Variants in CAMKMT observed in about 807,000 individuals in gnomAD.
CAMKMT encodes CaM KMT.
CAMKMT carries 53 observed loss-of-function variants against 48.0 expected under a neutral mutation model. The ratio of observed to expected loss-of-function variants is 1.10; its 90% CI spans 0.89 to 1.39. The LOEUF is 1.39. Among genes scored for constraint, CAMKMT ranks in the 40% most tolerant of loss-of-function variants. The pLI is 0.00. For synonymous variants in CAMKMT, 165 were observed against 152.3 expected (o/e 1.08, Z -0.61); for missense variants, 428 against 402.7 (o/e 1.06, Z -0.54).
intron 3 of CAMKMT, chr2:44,631,418 TA>T (rs1014383503): frequency 9.3e-6 from 5 of 540,210 alleles, no homozygotes; most frequent in Admixed American, 3.4e-5. Context: ...GTAATAATAA[TA>T]AAAAAGAAAG....
At chr2:44,746,618 A>C (rs1385496887) in intron 8 of CAMKMT, among the ~76,000 whole-genome samples, 1 of 152,238 alleles carries the variant, frequency 6.6e-6, no homozygotes, top group Non-Finnish European at 1.5e-5. Flanking sequence ...AATAACTTGT[A>C]AAATGTCAAC....
chr2:44,532,267 G>A (rs1666528885), intron 3 of CAMKMT, among the ~76,000 whole-genome samples: 1 of 152,150 alleles, frequency 6.6e-6, no homozygotes, highest in Non-Finnish European at 1.5e-5. Context: ...ATGTCTAGGA[G>A]ATCACAATCA....
rs974172494 is a variant in CAMKMT at position 44,618,225 on chromosome 2, T to C, written c.377-86058T>C. On this transcript the variant is annotated intron_variant, in intron 3 of 10. Coordinates refer to ENST00000378494, the MANE Select transcript of CAMKMT (RefSeq NM_024766.5). The surrounding 1 kb of genome is among the most constrained non-coding windows in gnomAD (Gnocchi z 4.0). The stretch of plus-strand genomic sequence containing the variant: ...TTTTGTTGGGTAGCTCTCAGATTAT[T>C]GAGTGACAAACTTTATTGAATTTGA... Among the ~76,000 whole-genome samples, 2 of 152,200 alleles carry C rather than the reference T, an allele frequency of 1.3e-5. No homozygotes were observed. Among genetic ancestry groups the C allele is most frequent in the Non-Finnish European group, 2.9e-5 (2 of 68,034 alleles).
At chr2:44,543,339 G>A (rs1456203095) in intron 3 of CAMKMT, among the ~76,000 whole-genome samples, 1 of 152,276 alleles carries the variant, frequency 6.6e-6, no homozygotes, top group East Asian at 1.9e-4. Flanking sequence ...TGAAAAGGAT[G>A]CAAAGACATT....
intron 6 of CAMKMT, among the ~76,000 whole-genome samples, chr2:44,709,313 T>C (rs141495863): frequency 3.5e-4 from 54 of 152,286 alleles, no homozygotes; most frequent in African/African-American, 1.3e-3. Flanking sequence ...GGAAGAACTT[T>C]ACAAAGTAGA....
At chr2:44,504,555 C>T (rs1558662057) in intron 3 of CAMKMT, among the ~76,000 whole-genome samples, 1 of 152,086 alleles carries the variant, frequency 6.6e-6, no homozygotes, top group Non-Finnish European at 1.5e-5. Flanking sequence ...GGGGTTTGTT[C>T]AATTTCCTAT....
chr2:44,455,747 G>T (rs750845612), intron 3 of CAMKMT, among the ~76,000 whole-genome samples: 5 of 151,940 alleles, frequency 3.3e-5, no homozygotes, highest in African/African-American at 9.7e-5. Flanking sequence ...GATCACATGG[G>T]TTAAACATTT....
At chr2:44,632,301 A>G (rs894334565) in intron 3 of CAMKMT, among the ~76,000 whole-genome samples, 11 of 152,050 alleles carry the variant, frequency 7.2e-5, no homozygotes, top group Non-Finnish European at 1.6e-4. Context: ...TTCCTTTATC[A>G]TTGTAGTAAC....
At chr2:44,729,759 A>G (rs1461854857) in intron 7 of CAMKMT, among the ~76,000 whole-genome samples, 1 of 152,156 alleles carries the variant, frequency 6.6e-6, no homozygotes. Context: ...GGAGACAAGA[A>G]AGGGAAATAT....
At chr2:44,577,691 GGGAGAC>G (rs1199835200) in intron 3 of CAMKMT, among the ~76,000 whole-genome samples, 2 of 150,398 alleles carry the variant, frequency 1.3e-5, no homozygotes, top group Admixed American at 6.7e-5. Context: ...GAGAGGGAGA[GGGAGAC>G]GGAGAGGGAG....
At chr2:44,438,829 C>T (rs2104556973) in intron 3 of CAMKMT, among the ~76,000 whole-genome samples, 1 of 152,250 alleles carries the variant, frequency 6.6e-6, no homozygotes, top group South Asian at 2.1e-4. Context: ...TCTTGAGTAC[C>T]AGGTGTGCTT....
At chr2:44,604,558 GT>G (rs34125010) in intron 3 of CAMKMT, among the ~76,000 whole-genome samples, 11,632 of 143,304 alleles carry the variant, frequency 0.081, 598 homozygotes, top group Admixed American at 0.19. Context: ...AGCCAATCTG[GT>G]TTTTTTTTTT....
intron 9 of CAMKMT, among the ~76,000 whole-genome samples, chr2:44,763,481 C>T (rs1680702678): frequency 6.6e-6 from 1 of 152,190 alleles, no homozygotes. Flanking sequence ...TGAGTGCTTA[C>T]TATGTGCTAG....
At chr2:44,675,072 A>G (rs1016571129) in intron 3 of CAMKMT, among the ~76,000 whole-genome samples, 3 of 146,174 alleles carry the variant, frequency 2.1e-5, no homozygotes, top group African/African-American at 7.7e-5. Flanking sequence ...GGATTTACCA[A>G]CCTTAAGGGG....
chr2:44,652,974 G>A (rs536135722), intron 3 of CAMKMT, among the ~76,000 whole-genome samples: 8 of 152,138 alleles, frequency 5.3e-5, no homozygotes, highest in Non-Finnish European at 1.2e-4. Context: ...ATGGAAAATA[G>A]TCAAAATACC....
chr2:44,566,621 A>G (rs1668633244), intron 3 of CAMKMT, among the ~76,000 whole-genome samples: 1 of 152,098 alleles, frequency 6.6e-6, no homozygotes, highest in African/African-American at 2.4e-5. Flanking sequence ...ACAGCAGCAA[A>G]AAATGATGTT....
chr2:44,511,279 G>A (rs896286740), intron 3 of CAMKMT, among the ~76,000 whole-genome samples: 33 of 152,306 alleles, frequency 2.2e-4, no homozygotes, highest in African/African-American at 7.7e-4. Flanking sequence ...TTGCTGCAAA[G>A]GACATTATTT....
At chr2:44,364,852 C>T (rs1285820016) in intron 1 of CAMKMT, among the ~76,000 whole-genome samples, 1 of 152,084 alleles carries the variant, frequency 6.6e-6, no homozygotes, top group African/African-American at 2.4e-5. Flanking sequence ...ATGGTGATAG[C>T]AGAGGTATAA....
chr2:44,650,948 A>G (rs558289614), intron 3 of CAMKMT, among the ~76,000 whole-genome samples: 40 of 152,360 alleles, frequency 2.6e-4, no homozygotes, highest in South Asian at 1.4e-3. Flanking sequence ...TAAGACCCCA[A>G]TAGCTAGCTG....
Sources: allele counts gnomAD v4.1 joint callset (sites outside exome capture counted in the v4.1 genomes callset), GRCh38; gene constraint gnomAD v4.1.1; non-coding constraint Gnocchi (gnomAD v3.1); transcripts MANE v1.5; gene names NCBI Gene and HGNC (gene_info 2026-07-23, HGNC 2026-07-21).